Variants in SF3B2 observed in about 807,000 individuals in gnomAD.
SF3B2 encodes the protein SAP 145.
In SF3B2, 22 loss-of-function variants were observed where a neutral mutation model predicts 116.3. That is an observed-to-expected ratio of 0.19 (90% CI 0.14 to 0.27). The LOEUF (loss-of-function observed/expected upper bound fraction) is 0.27. Ranked by LOEUF, SF3B2 falls within the 10% of genes least tolerant of loss-of-function variation. SF3B2 has a pLI of 1.00. For missense variants in SF3B2, 767 were observed against 1,151.4 expected, an observed-to-expected ratio of 0.67 and a Z score of 4.83; for synonymous variants, 406 against 421.6, an observed-to-expected ratio of 0.96 and a Z score of 0.45.
At position 66,063,628 on chromosome 11, in the gene SF3B2, T is replaced by C; in HGVS notation, c.2229T>C (p.Ser743=). 1 of 1,612,256 alleles carries C rather than the reference T, an allele frequency of 6.2e-7. No individual in the cohort carries two copies. Among genetic ancestry groups the C allele is most frequent in the South Asian group, 1.1e-5 (1 of 90,844 alleles). ...DETGFITPAD[S]GLITPGGFSS... ...CCAGAGCTTGTTCCTCTCTTTACAG[T>C]GGCCTTATCACTCCTGGAGGCTTTT... is the stretch of plus-strand genomic sequence containing the variant. The change falls in exon 19 of 22, where the codon AGT becomes AGC. Residue 743 remains serine, a splice_region_variant and synonymous_variant. Coordinates refer to ENST00000322535, the MANE Select transcript of SF3B2 (RefSeq NM_006842.3).
At chr11:66,060,058 C>A in intron 13 of SF3B2, 49 bp downstream of exon 13, 2 of 1,531,062 alleles carry the variant, frequency 1.3e-6, no homozygotes, top group Non-Finnish European at 1.8e-6. Flanking sequence ...CCCCATCCTT[C>A]ATAGCAGTGT....
intron 19 of SF3B2, 108 bp downstream of exon 19, chr11:66,063,837 C>A: frequency 1.2e-6 from 1 of 857,162 alleles, no homozygotes; most frequent in Non-Finnish European, 1.7e-6. Flanking sequence ...ATTATTGAAC[C>A]AACTCTCTGC....
intron 14 of SF3B2, among the ~76,000 whole-genome samples, chr11:66,061,237 C>T (rs1857096173): frequency 6.6e-6 from 1 of 152,160 alleles, no homozygotes; most frequent in Non-Finnish European, 1.5e-5. Context: ...CTGATAGACT[C>T]TTCGTATCCT....
rs1163412065 is a variant in SF3B2, at chr11:66,060,148, C to T, written c.1629+139C>T. On this transcript the variant is annotated intron_variant, in intron 13 of 21. Coordinates refer to ENST00000322535, the MANE Select transcript of SF3B2 (RefSeq NM_006842.3). ...CTAATTATCCTTTTGTTTTCCTCCTCTGCTCTTCCTCCCCTCTGCCTTCAC... is the reference window on the plus strand; with the variant it reads ...CTAATTATCCTTTTGTTTTCCTCCTTTGCTCTTCCTCCCCTCTGCCTTCAC... The T allele has an allele frequency of 1.3e-5, 10 of 773,560 alleles. No homozygotes were observed. The East Asian group carries it at 2.2e-4, about 17-fold the overall frequency. 47.9% of individuals were successfully genotyped at this position (773,560 alleles called of 1,614,324 possible).
intron 3 of SF3B2, among the ~76,000 whole-genome samples, chr11:66,054,490 A>T (rs1189749961): frequency 1.3e-5 from 2 of 151,892 alleles, no homozygotes; most frequent in East Asian, 3.9e-4. Context: ...AAAAAAAAAA[A>T]AAATACAGCT....
At chr11:66,068,534 C>G (rs1857231167) in intron 21 of SF3B2, 140 bp from the exon 22 acceptor site, 22 of 863,656 alleles carry the variant, frequency 2.5e-5, no homozygotes, top group Admixed American at 5.4e-5. Context: ...TCAGCCAAGT[C>G]TGAGAGGGAG....
Position 66,058,911 on chromosome 11 carries a change from C to G in SF3B2, c.1048C>G (p.Arg350Gly). ...RGVSSESSGD[R>G]EKDSTRSRGS... ...GGTGTCCTCTGAGAGCTCTGGGGAC[C>G]GGGAGAAAGACTCAACCCGGTCCCG... Residue 350 changes from arginine (R) to glycine (G), a missense_variant, in exon 10 of 22, where the codon CGG becomes GGG. Arg to Gly is a moderately radical substitution (Grantham distance 125). Coordinates refer to ENST00000322535, the MANE Select transcript of SF3B2 (RefSeq NM_006842.3). 1.2e-6 allele frequency: 2 copies of G among 1,613,954 alleles called. No individual in the cohort carries two copies. Among genetic ancestry groups the G allele is most frequent in the East Asian group, 2.2e-5 (1 of 44,874 alleles).
chr11:66,068,556 T>C (rs1857231881), intron 21 of SF3B2, 118 bp from the exon 22 acceptor site: 1 of 950,802 alleles, frequency 1.1e-6, no homozygotes, highest in Admixed American at 2.5e-5. Flanking sequence ...TCGAAGAGAA[T>C]TCAGATTCAG....
chr11:66,062,724 C>T (rs1052525968), intron 16 of SF3B2, among the ~76,000 whole-genome samples: 1 of 152,148 alleles, frequency 6.6e-6, no homozygotes, highest in African/African-American at 2.4e-5. Context: ...AAATTGAAGT[C>T]ATGTTTTCAA....
chr11:66,053,018 CTT>C lies in SF3B2; in HGVS notation c.181-6_181-5del. 6.2e-7 allele frequency: 1 copy of C among 1,614,072 alleles called. No individual in the cohort carries two copies. On this transcript the variant is annotated splice_polypyrimidine_tract_variant and splice_region_variant and intron_variant, in intron 2 of 21. Transcript: ENST00000322535. ...TTTGGACTGACCTAGAGTCCTTTCT[CTT>C]TTGCAGACTGGCATCGTGCTGAATC...
rs765850514 is a variant in SF3B2, at chr11:66,057,490, G to T, written c.777+115G>T. 14 of 655,526 alleles carry T rather than the reference G, an allele frequency of 2.1e-5. No individual in the cohort carries two copies. The Admixed American group carries it at 3.0e-4, about 14-fold the overall frequency. 40.6% of individuals were successfully genotyped at this position (655,526 alleles called of 1,614,324 possible). ...GATGGGGGGACTTAAATTCCTGGGG[G>T]TAGTGGGGAGCCCTTCTTATTTAAA... On this transcript the variant is annotated intron_variant, in intron 7 of 21. Coordinates refer to ENST00000322535, the MANE Select transcript of SF3B2 (RefSeq NM_006842.3).
chr11:66,068,834 T>C lies in SF3B2; in HGVS notation c.*89T>C, dbSNP rs1590720996. On this transcript the variant is annotated 3_prime_UTR_variant, in exon 22 of 22. Transcript: ENST00000322535. ...ACCTCTCCCGCAGTTCCCAAGGACT[T>C]GTCATTTCATGTTCTTATTTTAGAC... 2 of 986,212 alleles carry C rather than the reference T, an allele frequency of 2.0e-6. No homozygotes were observed. The highest frequency in any genetic ancestry group is 4.8e-5 in the East Asian group (2 of 41,644). The allele number at this position is 986,212 out of a possible 1,614,324, so 61.1% of individuals were successfully genotyped here.
intron 18 of SF3B2, 32 bp downstream of exon 18, chr11:66,063,574 G>A (rs1186898383): frequency 6.2e-7 from 1 of 1,611,056 alleles, no homozygotes; most frequent in Admixed American, 1.7e-5. Flanking sequence ...TCTTGGAAGT[G>A]GGCTATCTTT....
At chr11:66,053,309 C>T in intron 3 of SF3B2, 1 of 592,304 alleles carries the variant, frequency 1.7e-6, no homozygotes, top group South Asian at 1.9e-5. Flanking sequence ...GAGGTACTGC[C>T]ATGACAGAAT....
At chr11:66,062,103 T>C in intron 16 of SF3B2, 105 bp downstream of exon 16, 1 of 763,736 alleles carries the variant, frequency 1.3e-6, no homozygotes, top group Non-Finnish European at 2.2e-6. Flanking sequence ...CTTTATTTAC[T>C]TAAAAAATAT....
chr11:66,067,536 A>AG (rs771852461), intron 19 of SF3B2: 1 of 457,320 alleles, frequency 2.2e-6, no homozygotes, highest in South Asian at 1.5e-5. Flanking sequence ...TTGCGTTGGA[A>AG]GGCCTGGAAG....
At chr11:66,054,434 G>A (rs903178583) in intron 3 of SF3B2, among the ~76,000 whole-genome samples, 12 of 150,230 alleles carry the variant, frequency 8.0e-5, no homozygotes, top group East Asian at 3.9e-4. Flanking sequence ...CTGAGATTGC[G>A]CCATTGCACT....
chr11:66,068,536 G>A, intron 21 of SF3B2, 138 bp from the exon 22 acceptor site: 1 of 865,712 alleles, frequency 1.2e-6, no homozygotes, highest in Non-Finnish European at 1.8e-6. Context: ...AGCCAAGTCT[G>A]AGAGGGAGCT....
Position 66,058,123 on chromosome 11 carries a change from C to T in SF3B2, c.847C>T (p.Arg283Cys), listed in dbSNP as rs372551951. Residue 283 changes from arginine (R) to cysteine (C), a missense_variant, in exon 8 of 22, where the codon CGC becomes TGC. By Grantham distance (180) the Arg-to-Cys change is radical. Coordinates refer to ENST00000322535, the MANE Select transcript of SF3B2 (RefSeq NM_006842.3). ...LEKILQLKES[R>C]QEEMNSQQEE... The stretch of plus-strand genomic sequence containing the variant: ...GAAGATCCTGCAGCTGAAGGAGAGC[C>T]GCCAGGAAGAGATGAATTCTCAGCA... 2.4e-5 allele frequency: 39 copies of T among 1,609,084 alleles called. No homozygotes were observed. The highest frequency in any genetic ancestry group is 3.1e-5 in the Non-Finnish European group (36 of 1,177,820).
Sources: gnomAD v4.1 joint callset for allele counts (sites outside exome capture counted in the v4.1 genomes callset) on GRCh38, gnomAD v4.1.1 for gene constraint, MANE v1.5 for transcripts, NCBI Gene and HGNC (gene_info 2026-07-23, HGNC 2026-07-21) for gene names.